SIL1: variants seen among roughly 807,000 people sequenced by gnomAD.
SIL1 encodes the protein SIL1 nucleotide exchange factor.
Under a neutral mutation model 49.1 loss-of-function variants are expected in SIL1, and 40 were observed. The ratio of observed to expected loss-of-function variants is 0.81; its 90% CI spans 0.63 to 1.06. The LOEUF is 1.06. Ranked by LOEUF, SIL1 falls within the 50% of genes least tolerant of loss-of-function variation. The pLI is 0.00. For synonymous variants in SIL1, 253 were observed against 250.8 expected (o/e 1.01, Z -0.08); for missense variants, 500 against 572.6 (o/e 0.87, Z 1.29).
chr5:138,984,355 T>TTA (rs1364959049), intron 7 of SIL1, among the ~76,000 whole-genome samples: 1 of 127,202 alleles, frequency 7.9e-6, no homozygotes, highest in Non-Finnish European at 1.7e-5. Flanking sequence ...TTTGCTTTTG[T>TTA]TTTTTTTTTT....
chr5:139,017,230 G>A (rs565979360), intron 7 of SIL1: 1 of 152,394 alleles, frequency 6.6e-6, no homozygotes, highest in East Asian at 1.9e-4. Flanking sequence ...AAAGCATGAG[G>A]TGAGAGGGGA....
chr5:139,060,643 A>T (rs1169486110), intron 3 of SIL1, among the ~76,000 whole-genome samples: 1 of 152,096 alleles, frequency 6.6e-6, no homozygotes, highest in Non-Finnish European at 1.5e-5. Context: ...CACTTTAAAT[A>T]GGTGAATTGG....
At chr5:138,983,223 A>G (rs1353907478) in intron 7 of SIL1, among the ~76,000 whole-genome samples, 1 of 144,656 alleles carries the variant, frequency 6.9e-6, no homozygotes. Context: ...AAAAAAAAAA[A>G]AAAGGCCGGG....
chr5:139,001,948 C>T (rs531631134), intron 7 of SIL1, among the ~76,000 whole-genome samples: 3 of 151,440 alleles, frequency 2.0e-5, no homozygotes, highest in Admixed American at 1.3e-4. Flanking sequence ...TGATGGCTCA[C>T]GGCTGTAATC....
chr5:139,184,079 T>C (rs1752037876), intron 1 of SIL1, among the ~76,000 whole-genome samples: 1 of 152,198 alleles, frequency 6.6e-6, no homozygotes, highest in South Asian at 2.1e-4. Flanking sequence ...AGAAACCTAC[T>C]ACTGATCCCC....
Position 138,948,543 on chromosome 5 carries a change from C to T in SIL1, c.1030-1070G>A, listed in dbSNP as rs1486442601. ...CTCTGCAGGCTCTGCCCCCACTGTG[C>T]GCGGCCTGGACCCACTCACACCCAC... On this transcript the variant is annotated intron_variant, in intron 9 of 9. Coordinates refer to ENST00000394817, the MANE Select transcript of SIL1 (RefSeq NM_022464.5). This position sits in a 1 kb window ranked among gnomAD's most constrained non-coding sequence, Gnocchi z 4.8. Among the ~76,000 whole-genome samples the T allele has an allele frequency of 6.6e-6, 1 of 152,148 alleles. No homozygotes were observed. The highest frequency in any genetic ancestry group is 2.4e-5 in the African/African-American group (1 of 41,422).
At chr5:139,005,125 T>A (rs1293172981) in intron 7 of SIL1, among the ~76,000 whole-genome samples, 1 of 152,174 alleles carries the variant, frequency 6.6e-6, no homozygotes, top group African/African-American at 2.4e-5. Flanking sequence ...GAGGCAGGGA[T>A]GTTAAGTGCT....
At chr5:138,973,296 A>G (rs1767323513) in intron 7 of SIL1, among the ~76,000 whole-genome samples, 1 of 151,604 alleles carries the variant, frequency 6.6e-6, no homozygotes, top group Non-Finnish European at 1.5e-5. Context: ...GGCTCATGCC[A>G]GAAAACCCAA....
At chr5:139,021,693 C>T (rs760183573) in intron 6 of SIL1, 9 of 277,426 alleles carry the variant, frequency 3.2e-5, no homozygotes, top group Non-Finnish European at 5.6e-5. Context: ...CCAATGGGGA[C>T]AGTGGAGGCA....
chr5:139,126,347 T>C (rs1345422009), intron 2 of SIL1, among the ~76,000 whole-genome samples: 1 of 152,234 alleles, frequency 6.6e-6, no homozygotes, highest in Non-Finnish European at 1.5e-5. Flanking sequence ...TCTATTTGGT[T>C]GGACTATTAT....
At chr5:138,952,021 A>G in intron 7 of SIL1, 137 bp from the exon 8 acceptor site, 2 of 794,774 alleles carry the variant, frequency 2.5e-6, no homozygotes, top group South Asian at 2.8e-5. Context: ...AGTCAAACTC[A>G]GCTGGGGAAA....
intron 7 of SIL1, among the ~76,000 whole-genome samples, chr5:138,988,744 G>A (rs761115426): frequency 2.1e-4 from 32 of 151,870 alleles, no homozygotes; most frequent in African/African-American, 3.1e-4. Flanking sequence ...ATGGTGGTAC[G>A]TACCTGTGGT....
rs151008562 is a variant in SIL1 at position 138,966,188 on chromosome 5, G to A, written c.768-14304C>T. 4.5e-3 allele frequency among the ~76,000 whole-genome samples: 679 copies of A among 152,162 alleles called. 4 individuals are homozygous for A. The highest frequency in any genetic ancestry group is 0.016 in the African/African-American group (645 of 41,502). ...AGACCAGCCTTCCACTCAAACCCCC[G>A]TTACTGCTGGAAATGTCCCAAGTCA... On this transcript the variant is annotated intron_variant, in intron 7 of 9. Transcript: ENST00000394817.
At chr5:138,953,668 G>C (rs1176014291) in intron 7 of SIL1, among the ~76,000 whole-genome samples, 1 of 144,914 alleles carries the variant, frequency 6.9e-6, no homozygotes, top group Admixed American at 6.8e-5. Flanking sequence ...GGGGGGCCTG[G>C]GAGCTGAGCT....
chr5:139,018,172 C>T (rs908935750), intron 7 of SIL1, among the ~76,000 whole-genome samples: 2 of 152,192 alleles, frequency 1.3e-5, no homozygotes, highest in Non-Finnish European at 2.9e-5. Context: ...TCTCTCTTCT[C>T]GATCTTGGAA....
chr5:139,086,063 G>A (rs1413968669), intron 3 of SIL1, among the ~76,000 whole-genome samples: 1 of 150,706 alleles, frequency 6.6e-6, no homozygotes, highest in African/African-American at 2.4e-5. Context: ...AGGAGTTTGA[G>A]ACCAACTGCT....
chr5:138,969,393 T>C (rs1023119560), intron 7 of SIL1, among the ~76,000 whole-genome samples: 1 of 152,228 alleles, frequency 6.6e-6, no homozygotes, highest in Admixed American at 6.5e-5. Flanking sequence ...GACTGGAAAC[T>C]GTAGGCTAGA....
intron 3 of SIL1, among the ~76,000 whole-genome samples, chr5:139,096,796 C>G (rs1770476256): frequency 6.6e-6 from 1 of 151,924 alleles, no homozygotes; most frequent in African/African-American, 2.4e-5. Context: ...CCTGAATAAC[C>G]AGCAATGATG....
chr5:139,135,641 C>T (rs2351905), intron 1 of SIL1, among the ~76,000 whole-genome samples: 77,105 of 150,818 alleles, frequency 0.51, 21,210 homozygotes, highest in African/African-American at 0.72. Flanking sequence ...AGGTGGAACA[C>T]GACCTACTCC....
Sources: allele counts gnomAD v4.1 joint callset (sites outside exome capture counted in the v4.1 genomes callset), GRCh38; gene constraint gnomAD v4.1.1; non-coding constraint Gnocchi (gnomAD v3.1); transcripts MANE v1.5; gene names NCBI Gene and HGNC (gene_info 2026-07-23, HGNC 2026-07-21).